GALNT17: variants seen among roughly 807,000 people sequenced by gnomAD.
GALNT17 encodes UDP-GalNAc:polypeptide N-acetylgalactosaminyltransferase-like 3.
A neutral mutation model predicts 63.7 loss-of-function variants in GALNT17; 29 were observed. The observed-to-expected ratio is 0.46, with a 90% confidence interval of 0.34 to 0.62. The LOEUF is 0.62. Among genes scored for constraint, GALNT17 ranks in the 20% least tolerant of loss-of-function variants. GALNT17 has a pLI of 0.01. For synonymous variants in GALNT17, 305 were observed against 318.3 expected, an observed-to-expected ratio of 0.96 and a Z score of 0.45; for missense variants, 603 against 799.6, an observed-to-expected ratio of 0.75 and a Z score of 2.97.
chr7:71,615,338 T>TC (rs1459935486), intron 6 of GALNT17, among the ~76,000 whole-genome samples: 1 of 152,096 alleles, frequency 6.6e-6, no homozygotes, highest in Non-Finnish European at 1.5e-5. Flanking sequence ...TCCCTGGCCC[T>TC]CCATCTGCCA....
At chr7:71,179,525 G>T (rs1008505488) in intron 1 of GALNT17, among the ~76,000 whole-genome samples, 2 of 152,150 alleles carry the variant, frequency 1.3e-5, no homozygotes, top group African/African-American at 4.8e-5. Flanking sequence ...GTTCACACCA[G>T]GCAGCAGCTG....
chr7:71,602,702 G>A (rs56355637), intron 6 of GALNT17, among the ~76,000 whole-genome samples: 40,845 of 151,890 alleles, frequency 0.27, 5,700 homozygotes, highest in African/African-American at 0.29. Flanking sequence ...ATTGTAGATT[G>A]TCAGAGGGCC....
intron 1 of GALNT17, 76 bp downstream of exon 1, chr7:71,133,116 C>T: frequency 1.6e-6 from 2 of 1,289,868 alleles, no homozygotes; most frequent in Non-Finnish European, 1.0e-6. Flanking sequence ...GGTCCTTGCG[C>T]GCTGCGCCCT....
chr7:71,258,665 T>C (rs1020390795), intron 1 of GALNT17, among the ~76,000 whole-genome samples: 9 of 146,990 alleles, frequency 6.1e-5, no homozygotes, highest in Non-Finnish European at 7.5e-5. Context: ...CTTGGGGAAA[T>C]CTTTACAGAG....
intron 1 of GALNT17, among the ~76,000 whole-genome samples, chr7:71,221,383 CTTTTTTTTTT>C (rs33954579): frequency 2.0e-4 from 22 of 110,872 alleles, no homozygotes; most frequent in Non-Finnish European, 2.5e-4. Context: ...TACAGCCATG[CTTTTTTTTTT>C]TTTTTTTTTT....
At chr7:71,166,258 A>G (rs879618302) in intron 1 of GALNT17, among the ~76,000 whole-genome samples, 2 of 152,344 alleles carry the variant, frequency 1.3e-5, no homozygotes, top group Middle Eastern at 3.4e-3. Context: ...CATGAATAAC[A>G]TGGAGAAAAT....
Position 71,160,742 on chromosome 7 carries a change from A to C in GALNT17, c.238+27702A>C, listed in dbSNP as rs377490966. The stretch of plus-strand genomic sequence containing the variant: ...CCAAAGTGTTGGGATTACAGGCGTG[A>C]GCCACCGCGCACGGCCACGAACATC... On this transcript the variant is annotated intron_variant, in intron 1 of 10. Transcript: ENST00000333538. 3.9e-5 allele frequency among the ~76,000 whole-genome samples: 6 copies of C among 152,222 alleles called. No individual in the cohort carries two copies. The South Asian group carries it at 8.3e-4, about 21-fold the overall frequency.
At chr7:71,381,806 G>A (rs1045293267) in intron 2 of GALNT17, among the ~76,000 whole-genome samples, 6 of 152,034 alleles carry the variant, frequency 3.9e-5, no homozygotes, top group Non-Finnish European at 8.8e-5. Flanking sequence ...AGAAACCTGC[G>A]GCGCAAAGAG....
chr7:71,382,142 G>A (rs1792857579), intron 2 of GALNT17, among the ~76,000 whole-genome samples: 1 of 152,136 alleles, frequency 6.6e-6, no homozygotes, highest in African/African-American at 2.4e-5. Context: ...CACTTTGGGA[G>A]GCCGAGGTGG....
At chr7:71,474,098 C>T (rs901500319) in intron 5 of GALNT17, among the ~76,000 whole-genome samples, 3 of 152,146 alleles carry the variant, frequency 2.0e-5, no homozygotes, top group Non-Finnish European at 4.4e-5. Context: ...AGGGTTTCTC[C>T]TCTCTTTAGC....
Position 71,481,343 on chromosome 7 carries a change from G to C in GALNT17, c.962+60238G>C, listed in dbSNP as rs189268848. 5.8e-4 allele frequency among the ~76,000 whole-genome samples: 88 copies of C among 152,162 alleles called. 1 individual carries two copies. Among genetic ancestry groups the C allele is most frequent in the Non-Finnish European group, 2.4e-4 (16 of 68,006 alleles). On this transcript the variant is annotated intron_variant, in intron 5 of 10. Coordinates refer to ENST00000333538, the MANE Select transcript of GALNT17 (RefSeq NM_022479.3). ...GTGCACATGTGTAATCCCAACTACTGGGGAGGCTGAGGCAGGAGAATCGCT... is the reference window on the plus strand; with the variant it reads ...GTGCACATGTGTAATCCCAACTACTCGGGAGGCTGAGGCAGGAGAATCGCT...
chr7:71,698,868 C>T (rs759107909), intron 9 of GALNT17, among the ~76,000 whole-genome samples: 3 of 152,032 alleles, frequency 2.0e-5, no homozygotes, highest in Non-Finnish European at 4.4e-5. Flanking sequence ...TTTCAAGAGA[C>T]ACATAAAAAA....
chr7:71,422,529 T>A (rs755424632), intron 5 of GALNT17, among the ~76,000 whole-genome samples: 9 of 152,222 alleles, frequency 5.9e-5, no homozygotes, highest in Non-Finnish European at 1.0e-4. Flanking sequence ...TTGCGGGGCA[T>A]ATGACAGGGG....
At chr7:71,686,040 C>T (rs191694872) in intron 9 of GALNT17, among the ~76,000 whole-genome samples, 300 of 148,186 alleles carry the variant, frequency 2.0e-3, no homozygotes, top group African/African-American at 6.4e-3. Context: ...CTGCAACCTC[C>T]GCCTCCTGCG....
At chr7:71,390,712 T>C (rs1307149985) in intron 3 of GALNT17, among the ~76,000 whole-genome samples, 71 of 152,156 alleles carry the variant, frequency 4.7e-4, no homozygotes, top group Non-Finnish European at 7.4e-5. Flanking sequence ...TCGAACTCCC[T>C]GTTCCTGTGG....
intron 3 of GALNT17, among the ~76,000 whole-genome samples, chr7:71,410,105 A>G (rs976665986): frequency 1.3e-5 from 2 of 152,206 alleles, no homozygotes; most frequent in African/African-American, 4.8e-5. Flanking sequence ...GGGGACTGTA[A>G]TCTTGTAACA....
At chr7:71,499,404 G>A (rs565656284) in intron 5 of GALNT17, among the ~76,000 whole-genome samples, 1 of 152,246 alleles carries the variant, frequency 6.6e-6, no homozygotes, top group South Asian at 2.1e-4. Flanking sequence ...TCTACAAAAA[G>A]TAAAAATAAA....
intron 5 of GALNT17, among the ~76,000 whole-genome samples, chr7:71,428,503 G>A (rs1304239982): frequency 3.9e-5 from 6 of 152,114 alleles, no homozygotes; most frequent in Non-Finnish European, 7.4e-5. Context: ...GCAGTGGTGT[G>A]ATCTTGGCTA....
chr7:71,298,490 G>C (rs1220495105), intron 1 of GALNT17, among the ~76,000 whole-genome samples: 3 of 152,048 alleles, frequency 2.0e-5, no homozygotes, highest in Non-Finnish European at 4.4e-5. Context: ...TCCTAGCTCG[G>C]GCATGGACGC....
Sources: gnomAD v4.1 joint callset for allele counts (sites outside exome capture counted in the v4.1 genomes callset) on GRCh38, gnomAD v4.1.1 for gene constraint, MANE v1.5 for transcripts, NCBI Gene and HGNC (gene_info 2026-07-23, HGNC 2026-07-21) for gene names.